Variants in WFDC2 observed in about 807,000 individuals in gnomAD.
WFDC2 encodes the protein WAP four-disulfide core domain 2, also known as WAP four-disulfide core domain protein 2.
WFDC2 carries 8 observed loss-of-function variants against 12.5 expected under a neutral mutation model. That is an observed-to-expected ratio of 0.64 (90% CI 0.37 to 1.15). The LOEUF (loss-of-function observed/expected upper bound fraction) is 1.15, where lower values mean the gene tolerates loss of function less well. Ranked by LOEUF, WFDC2 falls within the 50% of genes most tolerant of loss-of-function variation. The probability of loss-of-function intolerance (pLI) is 0.01; values close to 1 mark genes in which losing one functional copy is unlikely to be tolerated. For missense variants in WFDC2, 166 were observed against 159.9 expected (o/e 1.04, Z -0.21); for synonymous variants, 74 against 67.2 (o/e 1.10, Z -0.49).
At chr20:45,474,789 C>T (rs1450282486) in intron 2 of WFDC2, among the ~76,000 whole-genome samples, 2 of 152,192 alleles carry the variant, frequency 1.3e-5, no homozygotes, top group Non-Finnish European at 2.9e-5. Flanking sequence ...TGGAATTCGG[C>T]TGTGAATCTG....
chr20:45,470,983 C>T lies in WFDC2; in HGVS notation c.223+451C>T, dbSNP rs1220920794. On this transcript the variant is annotated intron_variant, in intron 2 of 3. Transcript: ENST00000372676. This position sits in a 1 kb window ranked among gnomAD's most constrained non-coding sequence, Gnocchi z 5.4. ...AGAGCCTGGCCTGGCAAGATTTTCC[C>T]CAATTCCTCTGTCCAGGCGGAAAGG... 6.6e-6 allele frequency among the ~76,000 whole-genome samples: 1 copy of T among 152,222 alleles called. No homozygotes were observed. Among genetic ancestry groups the T allele is most frequent in the Non-Finnish European group, 1.5e-5 (1 of 68,038 alleles).
intron 2 of WFDC2, chr20:45,479,622 C>T (rs1475856969): frequency 6.5e-7 from 1 of 1,543,082 alleles, no homozygotes; most frequent in Admixed American, 1.7e-5. Flanking sequence ...GCTTTCACAA[C>T]AACCCTATGT....
intron 2 of WFDC2, among the ~76,000 whole-genome samples, chr20:45,475,776 G>T (rs925613167): frequency 7.2e-5 from 11 of 152,052 alleles, no homozygotes; most frequent in African/African-American, 2.4e-4. Flanking sequence ...GACAGTGGGG[G>T]TTAAAGTTTC....
chr20:45,472,823 T>C (rs979506812), intron 2 of WFDC2, among the ~76,000 whole-genome samples: 9 of 152,332 alleles, frequency 5.9e-5, no homozygotes, highest in Non-Finnish European at 1.2e-4. Context: ...GTAAAAGCAT[T>C]CCTATTTCTC....
chr20:45,469,759 G>T lies in WFDC2; in HGVS notation c.-23G>T, dbSNP rs1991139353. On this transcript the variant is annotated 5_prime_UTR_variant, in exon 1 of 4. Coordinates refer to ENST00000372676, the MANE Select transcript of WFDC2 (RefSeq NM_006103.4). ...CGCACCTGAGCATCGGCTCACACCT[G>T]CACCCCGCCCGGGCATAGCACCATG... The T allele has an allele frequency of 1.9e-6, 3 of 1,597,580 alleles. No homozygotes were observed. The highest frequency in any genetic ancestry group is 2.6e-6 in the Non-Finnish European group (3 of 1,172,016).
At chr20:45,479,436 A>C (rs1370939094) in intron 2 of WFDC2, 10 of 549,880 alleles carry the variant, frequency 1.8e-5, no homozygotes, top group Non-Finnish European at 3.2e-5. Flanking sequence ...AGGAAATATT[A>C]ACAGATCCCT....
intron 2 of WFDC2, chr20:45,479,538 C>G (rs1406879367): frequency 1.2e-6 from 1 of 832,440 alleles, no homozygotes; most frequent in African/African-American, 1.7e-5. Flanking sequence ...ATTAAGTGTT[C>G]ACTGTTATAA....
chr20:45,479,192 C>T (rs1991270512), intron 2 of WFDC2, among the ~76,000 whole-genome samples: 1 of 152,160 alleles, frequency 6.6e-6, no homozygotes, highest in Non-Finnish European at 1.5e-5. Flanking sequence ...TGCTGAGAGA[C>T]TGCAACTGGG....
chr20:45,474,871 A>T (rs1365473986), intron 2 of WFDC2, among the ~76,000 whole-genome samples: 1 of 152,184 alleles, frequency 6.6e-6, no homozygotes, highest in African/African-American at 2.4e-5. Flanking sequence ...TTATTGGTCG[A>T]TTCAGGGATT....
At position 45,478,951 on chromosome 20, in the gene WFDC2, T is replaced by G. The variant is rs1991268102; in HGVS notation, c.224-991T>G. ...TCCTCTACAGCTAATCACCCAGTTC[T>G]GTGCCTGTGTTTTACACACAAAAAC... On this transcript the variant is annotated intron_variant, in intron 2 of 3. Coordinates refer to ENST00000372676, the MANE Select transcript of WFDC2 (RefSeq NM_006103.4). 2.0e-5 allele frequency among the ~76,000 whole-genome samples: 3 copies of G among 152,264 alleles called. No individual in the cohort carries two copies. The South Asian group carries it at 6.2e-4, about 31-fold the overall frequency.
In WFDC2 at chr20:45,480,083, C is replaced by G. The variant is rs147125152; in HGVS notation, c.365C>G (p.Pro122Arg). The change falls in exon 3 of 4, where the codon CCC becomes CGC. Residue 122 changes from proline (P) to arginine (R), a missense_variant. Transcript: ENST00000372676. ...TGTGGGAAGGTGTCCTGTGTCACTC[C>G]CAATTTCTGAGGTAAGTGAACGGGA... ...NGCGKVSCVT[P>R]NF The G allele has an allele frequency of 8.1e-6, 13 of 1,613,838 alleles. No homozygotes were observed. In the African/African-American group the frequency reaches 1.7e-4, roughly 22 times the overall value.
chr20:45,470,579 C>CTGGGAGGAGG lies in WFDC2; in HGVS notation c.223+55_223+64dup. On this transcript the variant is annotated intron_variant, in intron 2 of 3. Coordinates refer to ENST00000372676, the MANE Select transcript of WFDC2 (RefSeq NM_006103.4). This position sits in a 1 kb window ranked among gnomAD's most constrained non-coding sequence, Gnocchi z 5.4. ...GGGAACGGGGCGGGGCCGCGCTGGG[C>CTGGGAGGAGG]TGGGAGGAGGTGGGAGGGCCCGGGT... 2.0e-6 allele frequency: 3 copies of CTGGGAGGAGG among 1,524,878 alleles called. No individual in the cohort carries two copies. The highest frequency in any genetic ancestry group is 1.2e-5 in the South Asian group (1 of 80,846). The allele number at this position is 1,524,878 out of a possible 1,614,324, so 94.5% of individuals were successfully genotyped here.
chr20:45,472,425 A>G (rs1164884457), intron 2 of WFDC2, among the ~76,000 whole-genome samples: 1 of 152,174 alleles, frequency 6.6e-6, no homozygotes, highest in Non-Finnish European at 1.5e-5. Flanking sequence ...AGCTTCATCC[A>G]TGTCTCTGCA....
In WFDC2 at chr20:45,477,368, G is replaced by A. The variant is rs559901089; in HGVS notation, c.224-2574G>A. On this transcript the variant is annotated intron_variant, in intron 2 of 3. Coordinates refer to ENST00000372676, the MANE Select transcript of WFDC2 (RefSeq NM_006103.4). ...CTTTGGATGGGCCTTCTGAGTGGAC[G>A]TCCTTTTTGTTGATGTTGATGCTAT... Among the ~76,000 whole-genome samples, 13 of 152,186 alleles carry A rather than the reference G, an allele frequency of 8.5e-5. No individual in the cohort carries two copies. The East Asian group carries it at 2.1e-3, about 25-fold the overall frequency.
chr20:45,481,075 A>C (rs1163887312), intron 3 of WFDC2, among the ~76,000 whole-genome samples: 1 of 152,186 alleles, frequency 6.6e-6, no homozygotes, highest in Non-Finnish European at 1.5e-5. Flanking sequence ...AGAAATGGCC[A>C]TGACCCCTCA....
chr20:45,474,041 T>G (rs1408529312), intron 2 of WFDC2, among the ~76,000 whole-genome samples: 1 of 152,226 alleles, frequency 6.6e-6, no homozygotes, highest in Admixed American at 6.5e-5. Flanking sequence ...ATCCTGAGAC[T>G]TTACTGCAGT....
Position 45,479,991 on chromosome 20 carries a change from CCT to C in WFDC2, c.276_277del (p.Cys93SerfsTer42). On this transcript the variant is annotated frameshift_variant, in exon 3 of 4. Transcript: ENST00000372676. LOFTEE classifies it high-confidence loss of function. ...TGAACATTAACTTTCCCCAGCTCGG[CCT>C]CTGTCGGGACCAGTGCCAGGTGGAC... ...QVNINFPQLG[L>X]CRDQCQVDSQ... 6.2e-7 allele frequency: 1 copy of C among 1,614,254 alleles called. No individual in the cohort carries two copies.
chr20:45,480,009 C>T lies in WFDC2; in HGVS notation c.291C>T (p.Cys97=). ...FPQLGLCRDQ[C]QVDSQCPGQM... is the part of the protein sequence containing the mutation. Reference sequence around the variant, plus strand: ...AGCTCGGCCTCTGTCGGGACCAGTGCCAGGTGGACAGCCAGTGTCCTGGCC... The same window carrying T: ...AGCTCGGCCTCTGTCGGGACCAGTGTCAGGTGGACAGCCAGTGTCCTGGCC... Residue 97 remains cysteine (C), a synonymous_variant, in exon 3 of 4, where the codon TGC becomes TGT. Transcript: ENST00000372676. 3 of 1,614,232 alleles carry T rather than the reference C, an allele frequency of 1.9e-6. No individual in the cohort carries two copies. The highest frequency in any genetic ancestry group is 2.2e-5 in the South Asian group (2 of 91,088).
chr20:45,480,468 A>G (rs1382853881), intron 3 of WFDC2, among the ~76,000 whole-genome samples: 6 of 151,382 alleles, frequency 4.0e-5, no homozygotes, highest in Admixed American at 3.9e-4. Context: ...AAAAAAAAAA[A>G]ATTTAATGGG....
Sources: allele counts gnomAD v4.1 joint callset (sites outside exome capture counted in the v4.1 genomes callset), GRCh38; gene constraint gnomAD v4.1.1; non-coding constraint Gnocchi (gnomAD v3.1); transcripts MANE v1.5; gene names NCBI Gene and HGNC (gene_info 2026-07-23, HGNC 2026-07-21).